The following CCSER1 variants were observed in gnomAD, a reference collection of about 807,000 sequenced individuals.
CCSER1 encodes serine-rich coiled-coil domain-containing protein 1.
CCSER1 carries 41 observed loss-of-function variants against 82.0 expected under a neutral mutation model. That is an observed-to-expected ratio of 0.50 (90% CI 0.39 to 0.65). CCSER1 has a LOEUF of 0.65. CCSER1 is among the 30% of genes least tolerant of loss of function. The probability of loss-of-function intolerance (pLI) is 0.00; values close to 1 mark genes in which losing one functional copy is unlikely to be tolerated. For synonymous variants in CCSER1, 414 were observed against 383.9 expected (o/e 1.08, Z -0.92); for missense variants, 1,119 against 1,064.2 (o/e 1.05, Z -0.72).
At chr4:90,490,779 A>C (rs552384811) in intron 5 of CCSER1, among the ~76,000 whole-genome samples, 1 of 152,242 alleles carries the variant, frequency 6.6e-6, no homozygotes, top group Admixed American at 6.5e-5. Context: ...TAAATAGGGA[A>C]TCCTTTCCCT....
At chr4:90,230,221 G>A (rs1374124214) in intron 1 of CCSER1, among the ~76,000 whole-genome samples, 1 of 151,994 alleles carries the variant, frequency 6.6e-6, no homozygotes, top group Non-Finnish European at 1.5e-5. Flanking sequence ...ATACTTGGAA[G>A]TAAAGCTCTC....
intron 1 of CCSER1, among the ~76,000 whole-genome samples, chr4:90,298,064 A>C (rs891436838): frequency 3.6e-4 from 54 of 152,106 alleles, no homozygotes; most frequent in African/African-American, 1.2e-3. Context: ...TTTCAGGAGG[A>C]ATGGTACCAG....
Position 90,891,219 on chromosome 4 carries a change from T to C in CCSER1, c.2095-32151T>C, listed in dbSNP as rs1390882100. The stretch of plus-strand genomic sequence containing the variant: ...AGTGAATTGGTCAGTCTTATGAATG[T>C]ATTTTAAAATGTAGAATTAATATAG... On this transcript the variant is annotated intron_variant, in intron 8 of 10. Coordinates refer to ENST00000509176, the MANE Select transcript of CCSER1 (RefSeq NM_001145065.2). Among the ~76,000 whole-genome samples, 5 of 151,748 alleles carry C rather than the reference T, an allele frequency of 3.3e-5. No individual in the cohort carries two copies. In the East Asian group the frequency reaches 9.6e-4, roughly 29 times the overall value.
chr4:90,481,127 T>A (rs1765884840), intron 5 of CCSER1, among the ~76,000 whole-genome samples: 1 of 152,194 alleles, frequency 6.6e-6, no homozygotes, highest in Non-Finnish European at 1.5e-5. Context: ...GGTATTTTAT[T>A]CTCATTGAAG....
rs116486837 is a variant in CCSER1, at chr4:91,280,199, G to A, written c.2217+194205G>A. ...AGTAATGCTGGCACCAGTGTTAGTG[G>A]GTTTAGGCAGAGTGATTCTTGGGCC... On this transcript the variant is annotated intron_variant, in intron 10 of 10. Coordinates refer to ENST00000509176, the MANE Select transcript of CCSER1 (RefSeq NM_001145065.2). Among the ~76,000 whole-genome samples the A allele has an allele frequency of 4.8e-3, 731 of 152,334 alleles. 5 individuals carry two copies. The highest frequency in any genetic ancestry group is 0.017 in the African/African-American group (706 of 41,576).
intron 6 of CCSER1, among the ~76,000 whole-genome samples, chr4:90,631,195 G>A (rs1724352617): frequency 1.3e-5 from 2 of 152,020 alleles, no homozygotes; most frequent in South Asian, 4.1e-4. Context: ...ACCTGGCCAA[G>A]TTCACAGATT....
At chr4:91,031,590 G>T (rs1022686275) in intron 9 of CCSER1, among the ~76,000 whole-genome samples, 1 of 152,014 alleles carries the variant, frequency 6.6e-6, no homozygotes, top group African/African-American at 2.4e-5. Flanking sequence ...ACTTTGGTTT[G>T]ACTATATTTT....
At chr4:91,399,535 A>G (rs1197974910) in intron 10 of CCSER1, among the ~76,000 whole-genome samples, 1 of 151,942 alleles carries the variant, frequency 6.6e-6, no homozygotes, top group East Asian at 1.9e-4. Flanking sequence ...GGGATTCTGA[A>G]GAGACTTTCA....
At chr4:91,452,488 T>A (rs1455014281) in intron 10 of CCSER1, among the ~76,000 whole-genome samples, 1 of 152,036 alleles carries the variant, frequency 6.6e-6, no homozygotes, top group Non-Finnish European at 1.5e-5. Flanking sequence ...ATATTGGTGT[T>A]GACTGGCAAA....
chr4:91,236,437 C>T (rs1361864585), intron 10 of CCSER1, among the ~76,000 whole-genome samples: 1 of 151,100 alleles, frequency 6.6e-6, no homozygotes, highest in Non-Finnish European at 1.5e-5. Flanking sequence ...GAGCCGAGAT[C>T]ACACCACTGC....
chr4:90,206,287 G>A (rs1447172364), intron 1 of CCSER1, among the ~76,000 whole-genome samples: 2 of 152,094 alleles, frequency 1.3e-5, no homozygotes, highest in Non-Finnish European at 1.5e-5. Context: ...TAATAGTGAT[G>A]TTAGGGTGTC....
chr4:90,946,154 T>C (rs1732213712), intron 9 of CCSER1, among the ~76,000 whole-genome samples: 1 of 152,224 alleles, frequency 6.6e-6, no homozygotes, highest in Admixed American at 6.5e-5. Context: ...ATGATTGATA[T>C]AATGCTAATT....
At chr4:91,374,017 C>T (rs1328407648) in intron 10 of CCSER1, among the ~76,000 whole-genome samples, 1 of 152,090 alleles carries the variant, frequency 6.6e-6, no homozygotes, top group African/African-American at 2.4e-5. Context: ...TTTATGAAGG[C>T]TGAGAGAGGT....
rs572160524 is a variant in CCSER1, at chr4:90,696,850, T to C, written c.1933-27064T>C. Among the ~76,000 whole-genome samples, 493 of 152,248 alleles carry C rather than the reference T, an allele frequency of 3.2e-3. 1 individual carries two copies. The highest frequency in any genetic ancestry group is 0.011 in the African/African-American group (473 of 41,550). ...TAATTAGATACCTGTGGAGCTGATA[T>C]TTGAAATCAAACAGCCTGAGACTCA... On this transcript the variant is annotated intron_variant, in intron 6 of 10. Transcript: ENST00000509176.
intron 8 of CCSER1, among the ~76,000 whole-genome samples, chr4:90,855,799 G>A (rs530798601): frequency 6.6e-6 from 1 of 152,150 alleles, no homozygotes; most frequent in East Asian, 1.9e-4. Context: ...AAATGAAGAG[G>A]CTATGTCTTT....
intron 5 of CCSER1, among the ~76,000 whole-genome samples, chr4:90,477,465 A>G (rs552950174): frequency 1.3e-5 from 2 of 152,198 alleles, no homozygotes; most frequent in African/African-American, 4.8e-5. Context: ...AGGAAGCACA[A>G]TAAAAATTAC....
At chr4:90,408,768 C>T (rs1030732436) in intron 4 of CCSER1, among the ~76,000 whole-genome samples, 1 of 152,216 alleles carries the variant, frequency 6.6e-6, no homozygotes, top group Admixed American at 6.5e-5. Flanking sequence ...AGCAACGGAA[C>T]AAAGCTGGAC....
At chr4:90,782,898 T>C (rs1215206561) in intron 7 of CCSER1, among the ~76,000 whole-genome samples, 1 of 149,134 alleles carries the variant, frequency 6.7e-6, no homozygotes, top group Admixed American at 6.6e-5. Flanking sequence ...GCCAGGATGG[T>C]CTCGATCTCC....
chr4:90,445,477 C>T (rs10022049), intron 4 of CCSER1, among the ~76,000 whole-genome samples: 455 of 152,104 alleles, frequency 3.0e-3, no homozygotes, highest in African/African-American at 0.011. Flanking sequence ...TATGCTCATG[C>T]CTTATTTAGA....
Sources: gnomAD v4.1 joint callset for allele counts (sites outside exome capture counted in the v4.1 genomes callset) on GRCh38, gnomAD v4.1.1 for gene constraint, MANE v1.5 for transcripts, NCBI Gene and HGNC (gene_info 2026-07-23, HGNC 2026-07-21) for gene names.